Variants in TACR3 observed in about 807,000 individuals in gnomAD.
TACR3 encodes neuromedin-K receptor.
A neutral mutation model predicts 35.0 loss-of-function variants in TACR3; 34 were observed. That is an observed-to-expected ratio of 0.97 (90% CI 0.74 to 1.30). The LOEUF (loss-of-function observed/expected upper bound fraction) is 1.30, where lower values mean the gene tolerates loss of function less well. Among genes scored for constraint, TACR3 ranks in the 50% most tolerant of loss-of-function variants. The pLI, the probability that TACR3 is intolerant of heterozygous loss-of-function variation, is 0.00. For synonymous variants in TACR3, 233 were observed against 221.1 expected, an observed-to-expected ratio of 1.05 and a Z score of -0.48; for missense variants, 558 against 591.7, an observed-to-expected ratio of 0.94 and a Z score of 0.59.
intron 1 of TACR3, among the ~76,000 whole-genome samples, chr4:103,712,209 C>T (rs1271805741): frequency 6.6e-6 from 1 of 152,190 alleles, no homozygotes; most frequent in Non-Finnish European, 1.5e-5. Context: ...GCCAAAAGAA[C>T]AAAGCTGGAG....
intron 3 of TACR3, among the ~76,000 whole-genome samples, chr4:103,627,181 CAAAAAAAAAAAA>C (rs33988758): frequency 1.6e-4 from 4 of 24,704 alleles, no homozygotes; most frequent in African/African-American, 3.0e-4. Flanking sequence ...GACTCCGTCT[CAAAAAAAAAAAA>C]AAAAAAAAAA....
intron 3 of TACR3, among the ~76,000 whole-genome samples, chr4:103,614,610 T>A (rs188847674): frequency 6.6e-6 from 1 of 152,240 alleles, no homozygotes; most frequent in Admixed American, 6.5e-5. Flanking sequence ...GTATATTGGA[T>A]ATAGTAAGAA....
chr4:103,593,077 T>G (rs552475024), intron 3 of TACR3, among the ~76,000 whole-genome samples: 21 of 152,216 alleles, frequency 1.4e-4, no homozygotes, highest in Non-Finnish European at 5.9e-5. Context: ...TTTGTATTTC[T>G]GCATTTTATT....
intron 3 of TACR3, among the ~76,000 whole-genome samples, chr4:103,653,799 C>G (rs1298237169): frequency 6.6e-6 from 1 of 152,054 alleles, no homozygotes; most frequent in African/African-American, 2.4e-5. Flanking sequence ...ACCTACTCAT[C>G]TGACAAAGGG....
At chr4:103,687,164 G>T (rs1722269174) in intron 1 of TACR3, among the ~76,000 whole-genome samples, 2 of 152,080 alleles carry the variant, frequency 1.3e-5, no homozygotes, top group Admixed American at 1.3e-4. Flanking sequence ...TATCTCAATA[G>T]ATGCAGAAAA....
chr4:103,632,369 A>C (rs1252368774), intron 3 of TACR3, among the ~76,000 whole-genome samples: 2 of 152,272 alleles, frequency 1.3e-5, no homozygotes, highest in African/African-American at 2.4e-5. Context: ...GAGAAATGAG[A>C]TCATGTCCTT....
At chr4:103,597,786 C>A (rs376036162) in intron 3 of TACR3, among the ~76,000 whole-genome samples, 1 of 152,162 alleles carries the variant, frequency 6.6e-6, no homozygotes. Flanking sequence ...ATGAACTCAT[C>A]ATAATTTATG....
At position 103,591,668 on chromosome 4, in the gene TACR3, T is replaced by A; in HGVS notation, c.904A>T (p.Ile302Phe). ...KAKRKVVKMM[I>F]IVVMTFAICW... ...ATAGCAAATGTCATGACAACAATAA[T>A]CATCATTTTGACAACCTATAAAGAA... Residue 302 changes from isoleucine (I) to phenylalanine (F), a missense_variant, in exon 4 of 5, where the codon ATT (isoleucine) becomes TTT (phenylalanine). By Grantham distance (21) the Ile-to-Phe change is conservative (BLOSUM62 0). Coordinates refer to ENST00000304883, the MANE Select transcript of TACR3 (RefSeq NM_001059.3). 6.2e-7 allele frequency: 1 copy of A among 1,612,858 alleles called. No homozygotes were observed. Among genetic ancestry groups the A allele is most frequent in the Non-Finnish European group, 8.5e-7 (1 of 1,179,550 alleles).
intron 1 of TACR3, among the ~76,000 whole-genome samples, chr4:103,688,585 GA>G (rs1722313861): frequency 7.2e-6 from 1 of 138,040 alleles, no homozygotes; most frequent in Non-Finnish European, 1.6e-5. Flanking sequence ...AAAAGTGGGC[GA>G]AGGACATGAA....
intron 3 of TACR3, among the ~76,000 whole-genome samples, chr4:103,642,377 T>A (rs1725373369): frequency 6.6e-6 from 1 of 151,830 alleles, no homozygotes; most frequent in Admixed American, 6.6e-5. Context: ...ATGTTGCTTT[T>A]TTAAATTGGC....
intron 3 of TACR3, among the ~76,000 whole-genome samples, chr4:103,648,976 A>G (rs558673686): frequency 5.9e-5 from 9 of 152,196 alleles, no homozygotes; most frequent in Admixed American, 5.9e-4. Flanking sequence ...GGATAAAGCC[A>G]TTTTAGTTGG....
intron 3 of TACR3, among the ~76,000 whole-genome samples, chr4:103,623,615 G>A (rs531285695): frequency 6.6e-6 from 1 of 152,202 alleles, no homozygotes; most frequent in Non-Finnish European, 1.5e-5. Flanking sequence ...GCCCAAGACT[G>A]CCTAAATCCT....
At chr4:103,627,673 A>T (rs940498248) in intron 3 of TACR3, among the ~76,000 whole-genome samples, 1 of 152,184 alleles carries the variant, frequency 6.6e-6, no homozygotes, top group African/African-American at 2.4e-5. Flanking sequence ...AAAGAGACTT[A>T]GACTGCCACA....
At chr4:103,613,447 G>T (rs757987356) in intron 3 of TACR3, among the ~76,000 whole-genome samples, 2 of 151,792 alleles carry the variant, frequency 1.3e-5, no homozygotes, top group Non-Finnish European at 1.5e-5. Flanking sequence ...AACTTCCCGA[G>T]TAGCTGGGAT....
chr4:103,607,152 G>T (rs7654507), intron 3 of TACR3, among the ~76,000 whole-genome samples: 90,284 of 152,020 alleles, frequency 0.59, 27,492 homozygotes, highest in Non-Finnish European at 0.64. Context: ...TATCTCAAGA[G>T]ATAATAATTC....
At chr4:103,595,735 ATTATC>A (rs1021837143) in intron 3 of TACR3, among the ~76,000 whole-genome samples, 8 of 151,840 alleles carry the variant, frequency 5.3e-5, no homozygotes, top group South Asian at 4.2e-4. Flanking sequence ...TTTTGGCAAT[ATTATC>A]TTCTAATTAT....
intron 1 of TACR3, among the ~76,000 whole-genome samples, chr4:103,684,896 A>T (rs181817495): frequency 6.1e-4 from 93 of 152,046 alleles, no homozygotes; most frequent in South Asian, 2.5e-3. Context: ...TCCTAGGAGA[A>T]TTGCTTGAAC....
chr4:103,708,123 T>C (rs1722841775), intron 1 of TACR3, among the ~76,000 whole-genome samples: 1 of 152,188 alleles, frequency 6.6e-6, no homozygotes. Context: ...CAGACGTAAA[T>C]GTCCCTGTCT....
At chr4:103,665,166 A>G (rs2110333730) in intron 1 of TACR3, among the ~76,000 whole-genome samples, 1 of 152,004 alleles carries the variant, frequency 6.6e-6, no homozygotes, top group African/African-American at 2.4e-5. Context: ...ATGATTATAA[A>G]TGTTGTCTTA....
Sources: gnomAD v4.1 joint callset for allele counts (sites outside exome capture counted in the v4.1 genomes callset) on GRCh38, gnomAD v4.1.1 for gene constraint, MANE v1.5 for transcripts, NCBI Gene and HGNC (gene_info 2026-07-23, HGNC 2026-07-21) for gene names.